Variants in BCL2L10 observed in about 807,000 individuals in gnomAD.
BCL2L10 encodes bcl-2-like protein 10.
BCL2L10 carries 14 observed loss-of-function variants against 11.1 expected under a neutral mutation model. The observed-to-expected ratio is 1.26, with a 90% confidence interval of 0.83 to 1.96. The LOEUF is 1.96. Among genes scored for constraint, BCL2L10 ranks in the 30% most tolerant of loss-of-function variants. The probability of loss-of-function intolerance (pLI) is 0.00; values close to 1 mark genes in which losing one functional copy is unlikely to be tolerated. For missense variants in BCL2L10, 309 were observed against 273.9 expected (o/e 1.13, Z -0.90); for synonymous variants, 154 against 133.4 (o/e 1.15, Z -1.07).
At chr15:52,111,173 AACACACACACACACACACACACACAC>A (rs71130130) in intron 1 of BCL2L10, among the ~76,000 whole-genome samples, 8 of 121,806 alleles carry the variant, frequency 6.6e-5, no homozygotes, top group South Asian at 3.1e-4. Context: ...CTCTACTGAA[AACACACACACACACACACACACACAC>A]ACACACACAC....
chr15:52,111,796 A>G (rs2033060480), intron 1 of BCL2L10, among the ~76,000 whole-genome samples: 2 of 152,204 alleles, frequency 1.3e-5, no homozygotes, highest in Non-Finnish European at 2.9e-5. Context: ...GTTGTGATCA[A>G]TGGGTCTGAG....
chr15:52,112,313 G>C lies in BCL2L10; in HGVS notation c.414C>G (p.Cys138Trp), dbSNP rs79743288. 890 of 1,576,524 alleles carry C rather than the reference G, an allele frequency of 5.6e-4. 6 individuals are homozygous for C. The African/African-American group carries it at 0.011, about 19-fold the overall frequency. ...AGCTCAGCAAGGCCACCAGGCGCTG[G>C]CAGTCCCGGGCGACGTCGCCCTCCT... ...KEQEGDVARD[C>W]QRLVALLSSR... is the part of the protein sequence containing the mutation. Residue 138 changes from cysteine (C) to tryptophan (W), a missense_variant, in exon 1 of 2, where the codon TGC becomes TGG. Physicochemically the swap from Cys to Trp is radical, Grantham distance 215. Coordinates refer to ENST00000260442, the MANE Select transcript of BCL2L10 (RefSeq NM_020396.4).
At position 52,109,851 on chromosome 15, in the gene BCL2L10, TA is replaced by T. The variant is rs1370826643; in HGVS notation, c.611del (p.Leu204TyrfsTer4). 4 of 1,613,806 alleles carry T rather than the reference TA, an allele frequency of 2.5e-6. No individual in the cohort carries two copies. The African/African-American group carries it at 5.3e-5, about 22-fold the overall frequency. On this transcript the variant is annotated frameshift_variant, in exon 2 of 2. Transcript: ENST00000260442. LOFTEE classifies it high-confidence loss of function. ...TAFIYLWTRLL is the reference protein window; with the variant it reads ...TAFIYLWTRLX ...AGCGGGTTAAAAGTTTTAAAACTCA[TA>T]ATAATCGTGTCCAGAGATAAATGAA...
At chr15:52,112,159 G>C (rs1213091361) in intron 1 of BCL2L10, 79 bp downstream of exon 1, 1 of 1,409,492 alleles carries the variant, frequency 7.1e-7, no homozygotes, top group Admixed American at 3.0e-5. Flanking sequence ...GGCGCGGTGG[G>C]TTCCTCACCG....
chr15:52,109,880 C>T lies in BCL2L10; in HGVS notation c.583G>A (p.Ala195Thr). 6.2e-7 allele frequency: 1 copy of T among 1,613,696 alleles called. No homozygotes were observed. The highest frequency in any genetic ancestry group is 2.2e-5 in the East Asian group (1 of 44,868). Reference sequence around the variant, plus strand: ...AATCGTGTCCAGAGATAAATGAAGGCTGTTGTTAACAAGCATGACAGAAAA... The same window carrying T: ...AATCGTGTCCAGAGATAAATGAAGGTTGTTGTTAACAAGCATGACAGAAAA... ...QAFLSCLLTT[A>T]FIYLWTRLL The change falls in exon 2 of 2, where the codon GCC (alanine) becomes ACC (threonine). Residue 195 changes from alanine (A) to threonine (T), a missense_variant. Coordinates refer to ENST00000260442, the MANE Select transcript of BCL2L10 (RefSeq NM_020396.4).
chr15:52,112,473 A>G lies in BCL2L10; in HGVS notation c.254T>C (p.Val85Ala), dbSNP rs1225654638. ...FELVALMADS[V>A]LSDSPGPTWG... ...GGTGGGGCCGGGGCTGTCGGAGAGC[A>G]CGGAATCCGCCATCAGCGCCACCAG... is the stretch of plus-strand genomic sequence containing the variant. The change falls in exon 1 of 2, where the codon GTG (valine) becomes GCG (alanine). Residue 85 changes from valine to alanine, a missense_variant. Transcript: ENST00000260442. 1.2e-6 allele frequency: 2 copies of G among 1,604,392 alleles called. No individual in the cohort carries two copies. The highest frequency in any genetic ancestry group is 8.5e-7 in the Non-Finnish European group (1 of 1,179,120).
rs950608413 is a variant in BCL2L10 at position 52,112,648 on chromosome 15, G to C, written c.79C>G (p.Leu27Val). The C allele has an allele frequency of 7.7e-6, 12 of 1,558,962 alleles. 1 individual carries two copies. The East Asian group carries it at 2.8e-4, about 37-fold the overall frequency. The change falls in exon 1 of 2, where the codon CTG (leucine) becomes GTG (valine). Residue 27 changes from leucine to valine, a missense_variant. Transcript: ENST00000260442. The stretch of plus-strand genomic sequence containing the variant: ...CCGGGTTCCCGGGCGCAGTACCCCA[G>C]GTAGTCGGCCAGCAACAGCTCGGTG... Reference protein sequence around the residue: ...ERTELLLADYLGYCAREPGTP... With the variant: ...ERTELLLADYVGYCAREPGTP...
At chr15:52,110,644 G>T (rs904119838) in intron 1 of BCL2L10, among the ~76,000 whole-genome samples, 1 of 152,096 alleles carries the variant, frequency 6.6e-6, no homozygotes, top group Non-Finnish European at 1.5e-5. Flanking sequence ...TGTTGGTCAG[G>T]CTAGTCTTGA....
Position 52,109,543 on chromosome 15 carries a change from G to C in BCL2L10, c.*305C>G, listed in dbSNP as rs937809682. On this transcript the variant is annotated 3_prime_UTR_variant, in exon 2 of 2. Transcript: ENST00000260442. ...GGTTCGCACTCTTATCCAAGTTTTAGCAAATAGCACTGTATTTCCCATTTA... is the reference window on the plus strand; with the variant it reads ...GGTTCGCACTCTTATCCAAGTTTTACCAAATAGCACTGTATTTCCCATTTA... 3 of 253,514 alleles carry C rather than the reference G, an allele frequency of 1.2e-5. No homozygotes were observed. The highest frequency in any genetic ancestry group is 6.7e-5 in the African/African-American group (3 of 45,036). The allele number at this position is 253,514 out of a possible 1,614,324, so 15.7% of individuals were successfully genotyped here. A position where few individuals can be genotyped will look rare whatever the true frequency, so the allele number is the denominator to read the frequency against.
intron 1 of BCL2L10, 75 bp downstream of exon 1, chr15:52,112,163 C>A: frequency 7.1e-7 from 1 of 1,410,456 alleles, no homozygotes; most frequent in East Asian, 2.8e-5. Context: ...CGGTGGGTTC[C>A]TCACCGTGCC....
At chr15:52,111,329 C>T (rs7162408) in intron 1 of BCL2L10, among the ~76,000 whole-genome samples, 72,200 of 151,662 alleles carry the variant, frequency 0.48, 20,324 homozygotes, top group African/African-American at 0.8. Flanking sequence ...GATCCACCAC[C>T]GCACTCCAGC....
chr15:52,110,563 A>G (rs2033039208), intron 1 of BCL2L10, among the ~76,000 whole-genome samples: 1 of 152,024 alleles, frequency 6.6e-6, no homozygotes. Context: ...CCTCCCTAGT[A>G]GCTGGGATTA....
At chr15:52,111,629 C>G (rs2033058167) in intron 1 of BCL2L10, among the ~76,000 whole-genome samples, 1 of 152,116 alleles carries the variant, frequency 6.6e-6, no homozygotes, top group African/African-American at 2.4e-5. Context: ...ACCTTGACCA[C>G]AGAGATGAAG....
intron 1 of BCL2L10, 33 bp from the exon 2 acceptor site, chr15:52,110,006 T>C (rs1163137170): frequency 3.2e-6 from 5 of 1,572,606 alleles, no homozygotes; most frequent in Non-Finnish European, 8.6e-7. Context: ...TTAGATTGCC[T>C]CATGATGCTG....
chr15:52,112,307 G>GCGCT lies in BCL2L10; in HGVS notation c.416_419dup (p.Leu141AlafsTer80). The GCGCT allele has an allele frequency of 6.4e-7, 1 of 1,572,678 alleles. No individual in the cohort carries two copies. The highest frequency in any genetic ancestry group is 8.6e-7 in the Non-Finnish European group (1 of 1,166,392). On this transcript the variant is annotated frameshift_variant, in exon 1 of 2. Coordinates refer to ENST00000260442, the MANE Select transcript of BCL2L10 (RefSeq NM_020396.4). LOFTEE classifies it high-confidence loss of function. ...GCCGCGAGCTCAGCAAGGCCACCAG[G>GCGCT]CGCTGGCAGTCCCGGGCGACGTCGC... is the stretch of plus-strand genomic sequence containing the variant.
intron 1 of BCL2L10, 112 bp from the exon 2 acceptor site, chr15:52,110,085 A>G: frequency 9.0e-7 from 1 of 1,116,112 alleles, no homozygotes; most frequent in East Asian, 2.4e-5. Flanking sequence ...TTTAAAAAGT[A>G]AAAGGAAAGG....
chr15:52,112,595 G>A lies in BCL2L10; in HGVS notation c.132C>T (p.Pro44=), dbSNP rs756609739. The A allele has an allele frequency of 1.9e-6, 3 of 1,578,462 alleles. No individual in the cohort carries two copies. The highest frequency in any genetic ancestry group is 1.7e-4 in the Middle Eastern group (1 of 5,958). Residue 44 remains proline (P), a synonymous_variant, in exon 1 of 2, where the codon CCC becomes CCT. Transcript: ENST00000260442. ...PGTPEPAPST[P]EAAVLRSAAA... ...CCGCGGAGCGCAGCACGGCGGCCTC[G>A]GGCGTGGATGGCGCCGGCTCGGGGG... is the stretch of plus-strand genomic sequence containing the variant.
At chr15:52,111,461 A>G (rs2033054831) in intron 1 of BCL2L10, among the ~76,000 whole-genome samples, 1 of 152,162 alleles carries the variant, frequency 6.6e-6, no homozygotes, top group African/African-American at 2.4e-5. Context: ...GGCTATAGGT[A>G]TCCGATAACA....
At position 52,111,931 on chromosome 15, in the gene BCL2L10, GC is replaced by G. The variant is rs886920460; in HGVS notation, c.489+306del. ...CAAAACGTTCAGACCTAACGTGGGT[GC>G]CCCCCTAAAAGTCCCCGACGGCTAA... On this transcript the variant is annotated intron_variant, in intron 1 of 1. Coordinates refer to ENST00000260442, the MANE Select transcript of BCL2L10 (RefSeq NM_020396.4). 2.2e-4 allele frequency among the ~76,000 whole-genome samples: 33 copies of G among 152,314 alleles called. 1 individual carries two copies. Among genetic ancestry groups the G allele is most frequent in the African/African-American group, 7.9e-4 (33 of 41,590 alleles).
Sources: allele counts gnomAD v4.1 joint callset (sites outside exome capture counted in the v4.1 genomes callset), GRCh38; gene constraint gnomAD v4.1.1; transcripts MANE v1.5; gene names NCBI Gene and HGNC (gene_info 2026-07-23, HGNC 2026-07-21).